NELL2: variants seen among roughly 807,000 people sequenced by gnomAD.
NELL2 encodes neural EGFL like 2.
Under a neutral mutation model 109.6 loss-of-function variants are expected in NELL2, and 41 were observed. The ratio of observed to expected loss-of-function variants is 0.37; its 90% CI spans 0.29 to 0.49. The LOEUF (loss-of-function observed/expected upper bound fraction) is 0.49. NELL2 is among the 20% of genes least tolerant of loss of function. The pLI, the probability that NELL2 is intolerant of heterozygous loss-of-function variation, is 0.98. For synonymous variants in NELL2, 355 were observed against 344.7 expected (o/e 1.03, Z -0.33); for missense variants, 900 against 1,008.3 (o/e 0.89, Z 1.45).
intron 9 of NELL2, among the ~76,000 whole-genome samples, chr12:44,769,770 G>A (rs189572017): frequency 1.3e-5 from 2 of 152,178 alleles, no homozygotes; most frequent in African/African-American, 2.4e-5. Context: ...AATATATGCA[G>A]CAATAAGTAT....
At chr12:44,781,503 A>G (rs1332559706) in intron 3 of NELL2, among the ~76,000 whole-genome samples, 2 of 152,104 alleles carry the variant, frequency 1.3e-5, no homozygotes, top group African/African-American at 4.8e-5. Flanking sequence ...AACACCTCCC[A>G]AATTTGGCAA....
Position 44,612,247 on chromosome 12 carries a change from T to TA in NELL2, c.1445-1278dup, listed in dbSNP as rs556284492. On this transcript the variant is annotated intron_variant, in intron 13 of 19. Transcript: ENST00000429094. ...CTACTAAAATAAAATGCCCTTCATTTAAAAAAATAAAAATTGTCATTTTGC... is the reference window on the plus strand; with the variant it reads ...CTACTAAAATAAAATGCCCTTCATTTAAAAAAAATAAAAATTGTCATTTTGC... 7.0e-4 allele frequency among the ~76,000 whole-genome samples: 106 copies of TA among 152,082 alleles called. 3 individuals carry two copies. The East Asian group carries it at 0.018, about 26-fold the overall frequency.
At chr12:44,619,968 C>T (rs989810746) in intron 13 of NELL2, among the ~76,000 whole-genome samples, 2 of 152,020 alleles carry the variant, frequency 1.3e-5, no homozygotes, top group Non-Finnish European at 2.9e-5. Flanking sequence ...ATTTTGGGCT[C>T]CATAGTGAAT....
chr12:44,873,743 A>T (rs1945230623), intron 2 of NELL2, among the ~76,000 whole-genome samples: 1 of 85,810 alleles, frequency 1.2e-5, no homozygotes, highest in Non-Finnish European at 2.2e-5. Flanking sequence ...AACAACAACA[A>T]CAAAAAAAAA....
chr12:44,619,304 G>A (rs906206536), intron 13 of NELL2, among the ~76,000 whole-genome samples: 2 of 152,106 alleles, frequency 1.3e-5, no homozygotes, highest in Non-Finnish European at 2.9e-5. Flanking sequence ...ATTACTGGAC[G>A]CTAAACAGTA....
intron 12 of NELL2, among the ~76,000 whole-genome samples, chr12:44,666,998 A>T (rs555787343): frequency 1.3e-5 from 2 of 152,324 alleles, no homozygotes; most frequent in South Asian, 4.1e-4. Flanking sequence ...TTAATCCCTC[A>T]AGAATCTATT....
At chr12:44,893,327 A>C (rs1945557198) in intron 1 of NELL2, among the ~76,000 whole-genome samples, 1 of 137,628 alleles carries the variant, frequency 7.3e-6, no homozygotes, top group Non-Finnish European at 1.6e-5. Context: ...ATCAGATATA[A>C]AGTTAATACA....
intron 12 of NELL2, among the ~76,000 whole-genome samples, chr12:44,667,246 C>T (rs1947954684): frequency 6.6e-6 from 1 of 152,098 alleles, no homozygotes; most frequent in Non-Finnish European, 1.5e-5. Flanking sequence ...AACAAAAAAA[C>T]ACTAGTTCTT....
intron 9 of NELL2, among the ~76,000 whole-genome samples, chr12:44,767,273 T>A (rs1941372502): frequency 6.6e-6 from 1 of 152,152 alleles, no homozygotes; most frequent in African/African-American, 2.4e-5. Context: ...CATTAAAAGA[T>A]CTCCCATAAA....
intron 15 of NELL2, among the ~76,000 whole-genome samples, chr12:44,595,546 C>T (rs1944922222): frequency 6.6e-6 from 1 of 151,952 alleles, no homozygotes; most frequent in South Asian, 2.1e-4. Context: ...CCTGCCTCAG[C>T]CTCCTGAGTA....
chr12:44,861,517 C>T (rs182006135), intron 2 of NELL2, among the ~76,000 whole-genome samples: 1 of 152,318 alleles, frequency 6.6e-6, no homozygotes, highest in South Asian at 2.1e-4. Context: ...AGGCTCCAGA[C>T]CCATCCCAGA....
chr12:44,543,183 T>C (rs1186703266), intron 15 of NELL2, among the ~76,000 whole-genome samples: 1 of 152,210 alleles, frequency 6.6e-6, no homozygotes, highest in African/African-American at 2.4e-5. Context: ...TTTCTCCTTC[T>C]GAAGTCTCCC....
At chr12:44,576,541 CTT>C (rs111804043) in intron 15 of NELL2, among the ~76,000 whole-genome samples, 18 of 146,490 alleles carry the variant, frequency 1.2e-4, no homozygotes, top group African/African-American at 4.5e-4. Context: ...CCTACCTTCT[CTT>C]TTTTTTTTTT....
chr12:44,726,346 T>C (rs1390351838), intron 9 of NELL2, among the ~76,000 whole-genome samples: 1 of 152,210 alleles, frequency 6.6e-6, no homozygotes, highest in Non-Finnish European at 1.5e-5. Context: ...TCTGTCTATC[T>C]TTGTGTTTCA....
chr12:44,639,881 A>G (rs1206001579), intron 13 of NELL2, among the ~76,000 whole-genome samples: 1 of 151,962 alleles, frequency 6.6e-6, no homozygotes, highest in Non-Finnish European at 1.5e-5. Context: ...ATCGGACCCC[A>G]CCCTACATCT....
rs538266014 is a variant in NELL2 at position 44,869,894 on chromosome 12, A to T, written c.184+5331T>A. Among the ~76,000 whole-genome samples the T allele has an allele frequency of 3.3e-5, 5 of 152,278 alleles. No individual in the cohort carries two copies. In the South Asian group the frequency reaches 1.0e-3, roughly 32 times the overall value. On this transcript the variant is annotated intron_variant, in intron 2 of 19. Transcript: ENST00000429094. ...AGTTATGAATATGTTTTGCTCAACA[A>T]TTATTCCCTAAATCTCTCTCTCTCC... is the stretch of plus-strand genomic sequence containing the variant.
intron 16 of NELL2, among the ~76,000 whole-genome samples, chr12:44,528,028 AGCTT>A (rs1310693869): frequency 2.3e-5 from 3 of 130,432 alleles, no homozygotes; most frequent in East Asian, 2.5e-4. Flanking sequence ...GGGGAGGTGG[AGCTT>A]GCTTGCAGTG....
Position 44,824,859 on chromosome 12 carries a change from C to T in NELL2, c.185-8723G>A, listed in dbSNP as rs552826789. On this transcript the variant is annotated intron_variant, in intron 2 of 19. Coordinates refer to ENST00000429094, the MANE Select transcript of NELL2 (RefSeq NM_001145108.2). The stretch of plus-strand genomic sequence containing the variant: ...CCAAGTAGCTGGGACTACAGGCACC[C>T]GCCACAACGCCTGGCTGATTTTTTA... 1.7e-3 allele frequency among the ~76,000 whole-genome samples: 263 copies of T among 151,680 alleles called. 1 individual carries two copies. The highest frequency in any genetic ancestry group is 6.0e-3 in the African/African-American group (248 of 41,398).
intron 15 of NELL2, among the ~76,000 whole-genome samples, chr12:44,540,293 G>C (rs961805913): frequency 1.3e-5 from 2 of 152,118 alleles, no homozygotes; most frequent in Non-Finnish European, 2.9e-5. Context: ...CAGCAGCATA[G>C]GGGAAAGTAT....
Sources: gnomAD v4.1 joint callset for allele counts (sites outside exome capture counted in the v4.1 genomes callset) on GRCh38, gnomAD v4.1.1 for gene constraint, MANE v1.5 for transcripts, NCBI Gene and HGNC (gene_info 2026-07-23, HGNC 2026-07-21) for gene names.